Variants in INVS observed in about 807,000 individuals in gnomAD.
INVS encodes the protein inversin.
In INVS, 86 loss-of-function variants were observed where a neutral mutation model predicts 108.8. The ratio of observed to expected loss-of-function variants is 0.79; its 90% CI spans 0.66 to 0.95. The LOEUF is 0.95. INVS is among the 40% of genes least tolerant of loss of function. The pLI is 0.00. For missense variants in INVS, 1,169 were observed against 1,297.4 expected (o/e 0.90, Z 1.52); for synonymous variants, 455 against 473.5 (o/e 0.96, Z 0.51).
chr9:100,199,306 G>T (rs948688270), intron 3 of INVS, among the ~76,000 whole-genome samples: 4 of 151,942 alleles, frequency 2.6e-5, no homozygotes, highest in African/African-American at 9.7e-5. Context: ...ATCTCTTATA[G>T]ACTTTCTTTT....
At chr9:100,286,497 C>A (rs528763346) in intron 13 of INVS, among the ~76,000 whole-genome samples, 1 of 152,086 alleles carries the variant, frequency 6.6e-6, no homozygotes, top group African/African-American at 2.4e-5. Context: ...ACCGAGATTG[C>A]GTCACTGCAC....
At chr9:100,154,331 A>AT (rs780090630) in intron 3 of INVS, among the ~76,000 whole-genome samples, 15,548 of 68,326 alleles carry the variant, frequency 0.23, 3,828 homozygotes, top group Non-Finnish European at 0.27. Flanking sequence ...CAACCGACTA[A>AT]TTTTTTTTTT....
intron 3 of INVS, among the ~76,000 whole-genome samples, chr9:100,135,301 A>C (rs1268121938): frequency 6.6e-6 from 1 of 152,208 alleles, no homozygotes; most frequent in Non-Finnish European, 1.5e-5. Flanking sequence ...CCTTAGCCTC[A>C]GGAGCTATAT....
rs775039026 is a variant in INVS, at chr9:100,284,418, G to C, written c.1883G>C (p.Ser628Thr). The change falls in exon 13 of 17, where the codon AGC becomes ACC. Residue 628 changes from serine to threonine, a missense_variant. Transcript: ENST00000262457. Reference sequence around the variant, plus strand: ...CCCCAGGCCCTTCCCTGTCTGCCTAGCACCCAGGATGTGCCCAGCAGGCAG... The same window carrying C: ...CCCCAGGCCCTTCCCTGTCTGCCTACCACCCAGGATGTGCCCAGCAGGCAG... ...CRPQALPCLP[S>T]TQDVPSRQSR... 6.2e-7 allele frequency: 1 copy of C among 1,614,138 alleles called. No individual in the cohort carries two copies. Among genetic ancestry groups the C allele is most frequent in the South Asian group, 1.1e-5 (1 of 91,086 alleles).
At chr9:100,286,543 A>AT (rs747941841) in intron 13 of INVS, among the ~76,000 whole-genome samples, 1 of 152,184 alleles carries the variant, frequency 6.6e-6, no homozygotes, top group African/African-American at 2.4e-5. Context: ...TGTCTCAAAA[A>AT]ATATATATAT....
At chr9:100,159,508 A>C (rs1476981563) in intron 3 of INVS, among the ~76,000 whole-genome samples, 2 of 152,196 alleles carry the variant, frequency 1.3e-5, no homozygotes, top group Admixed American at 6.5e-5. Flanking sequence ...ACACAAAGCT[A>C]TTCCTGGAAC....
chr9:100,195,358 A>T (rs565336617), intron 3 of INVS, among the ~76,000 whole-genome samples: 6 of 152,168 alleles, frequency 3.9e-5, no homozygotes, highest in Non-Finnish European at 8.8e-5. Context: ...TGTTTAAAAA[A>T]ATATATAGAG....
In INVS at chr9:100,122,796, G is replaced by A. The variant is rs1827768424; in HGVS notation, c.107-3587G>A. Among the ~76,000 whole-genome samples the A allele has an allele frequency of 2.0e-5, 3 of 151,734 alleles. No individual in the cohort carries two copies. In the South Asian group the frequency reaches 6.2e-4, roughly 31 times the overall value. ...AGAGGGGGTTTCACCATGTTAGCCA[G>A]GATGGTCTCGATCTCCTGACCTCAT... On this transcript the variant is annotated intron_variant, in intron 2 of 16. Transcript: ENST00000262457.
At position 100,292,642 on chromosome 9, in the gene INVS, T is replaced by G; in HGVS notation, c.2385T>G (p.Thr795=). ...AATGTGCCCCCCAGAAAAGGCGCAC[T>G]CAAGAGCTCAGAGGAGGAAGGTGCT... ...KAKCAPQKRR[T]QELRGGRCSP... is the part of the protein sequence containing the mutation. The change falls in exon 14 of 17, where the codon ACT becomes ACG. Residue 795 remains threonine, a synonymous_variant. Transcript: ENST00000262457. 1 of 1,614,064 alleles carries G rather than the reference T, an allele frequency of 6.2e-7. No homozygotes were observed. Among genetic ancestry groups the G allele is most frequent in the Admixed American group, 1.7e-5 (1 of 60,014 alleles).
At chr9:100,202,609 T>C (rs1830564942) in intron 3 of INVS, among the ~76,000 whole-genome samples, 1 of 152,204 alleles carries the variant, frequency 6.6e-6, no homozygotes, top group African/African-American at 2.4e-5. Flanking sequence ...GCATATCACT[T>C]GTCTATCGCT....
intron 16 of INVS, among the ~76,000 whole-genome samples, chr9:100,298,923 G>T (rs891225590): frequency 6.6e-6 from 1 of 152,104 alleles, no homozygotes; most frequent in Non-Finnish European, 1.5e-5. Flanking sequence ...GCAAATTAAA[G>T]AATCATTTCA....
rs1336444788 is a variant in INVS, at chr9:100,101,000, AAT to A, written c.-25+1593_-25+1594del. On this transcript the variant is annotated intron_variant, in intron 1 of 16. Coordinates refer to ENST00000262457, the MANE Select transcript of INVS (RefSeq NM_014425.5). Reference sequence around the variant, plus strand: ...ATATATATAATATATATGTATATATAATATATATATTATATGTATATATATTA... The same window carrying A: ...ATATATATAATATATATGTATATATAATATATATTATATGTATATATATTA... Among the ~76,000 whole-genome samples the A allele has an allele frequency of 3.9e-4, 33 of 84,960 alleles. 1 individual carries two copies. The highest frequency in any genetic ancestry group is 7.8e-4 in the South Asian group (3 of 3,826). 55.7% of individuals were successfully genotyped at this position (84,960 alleles called of 152,430 possible). A position where few individuals can be genotyped will look rare whatever the true frequency, so the allele number is the denominator to read the frequency against.
chr9:100,214,338 C>A (rs1293637830), intron 3 of INVS, among the ~76,000 whole-genome samples: 1 of 152,132 alleles, frequency 6.6e-6, no homozygotes, highest in African/African-American at 2.4e-5. Flanking sequence ...CGCTAGATTA[C>A]AGGGGCCAAA....
chr9:100,201,151 C>T (rs1173938673), intron 3 of INVS, among the ~76,000 whole-genome samples: 1 of 152,240 alleles, frequency 6.6e-6, no homozygotes, highest in Non-Finnish European at 1.5e-5. Flanking sequence ...TGCATTGGTT[C>T]TCCTTGCCCC....
chr9:100,134,786 G>C (rs527866485), intron 3 of INVS, among the ~76,000 whole-genome samples: 1 of 152,242 alleles, frequency 6.6e-6, no homozygotes, highest in African/African-American at 2.4e-5. Context: ...ACCCAAATAC[G>C]TACCAACAGG....
At chr9:100,171,814 T>C (rs1169144887) in intron 3 of INVS, among the ~76,000 whole-genome samples, 1 of 152,186 alleles carries the variant, frequency 6.6e-6, no homozygotes, top group African/African-American at 2.4e-5. Flanking sequence ...TTTTCTCTGA[T>C]GTATATCAAG....
intron 12 of INVS, among the ~76,000 whole-genome samples, chr9:100,280,684 C>T (rs889086565): frequency 6.6e-6 from 1 of 151,988 alleles, no homozygotes; most frequent in Non-Finnish European, 1.5e-5. Context: ...TATAACATAG[C>T]ACACCTTAAT....
Position 100,235,074 on chromosome 9 carries a change from A to G in INVS, c.616-4986A>G, listed in dbSNP as rs537112711. On this transcript the variant is annotated intron_variant, in intron 5 of 16. Coordinates refer to ENST00000262457, the MANE Select transcript of INVS (RefSeq NM_014425.5). Reference sequence around the variant, plus strand: ...TGTATTGGGTGCATATATATTTAGGATAGTTCGCTCTTCTTGTTATATTGA... The same window carrying G: ...TGTATTGGGTGCATATATATTTAGGGTAGTTCGCTCTTCTTGTTATATTGA... Among the ~76,000 whole-genome samples, 52 of 152,218 alleles carry G rather than the reference A, an allele frequency of 3.4e-4. No homozygotes were observed. The South Asian group carries it at 0.01, about 30-fold the overall frequency.
At chr9:100,269,116 G>A (rs1368647648) in intron 11 of INVS, among the ~76,000 whole-genome samples, 1 of 152,206 alleles carries the variant, frequency 6.6e-6, no homozygotes, top group African/African-American at 2.4e-5. Flanking sequence ...TGATATATGT[G>A]TTGTGGAAGG....
Sources: allele counts gnomAD v4.1 joint callset (sites outside exome capture counted in the v4.1 genomes callset), GRCh38; gene constraint gnomAD v4.1.1; transcripts MANE v1.5; gene names NCBI Gene and HGNC (gene_info 2026-07-23, HGNC 2026-07-21).